MTA3: variants seen among roughly 807,000 people sequenced by gnomAD.
The protein encoded by MTA3 is metastasis associated 1 family member 3.
A neutral mutation model predicts 83.5 loss-of-function variants in MTA3; 34 were observed. The observed-to-expected ratio is 0.41, with a 90% CI of 0.31 to 0.54. The LOEUF is 0.54. MTA3 is among the 20% of genes least tolerant of loss of function. The pLI, the probability that MTA3 is intolerant of heterozygous loss-of-function variation, is 0.33. For missense variants in MTA3, 761 were observed against 726.4 expected (o/e 1.05, Z -0.55); for synonymous variants, 303 against 252.7 (o/e 1.20, Z -1.89).
Position 42,754,003 on chromosome 2 carries a change from A to G in MTA3, c.*604A>G, listed in dbSNP as rs1670072253. 1 of 984,996 alleles carries G rather than the reference A, an allele frequency of 1.0e-6. No homozygotes were observed. The highest frequency in any genetic ancestry group is 5.2e-4 in the Middle Eastern group (1 of 1,914). The allele number at this position is 984,996 out of a possible 1,614,324, so 61.0% of individuals were successfully genotyped here. A position where few individuals can be genotyped will look rare whatever the true frequency, so the allele number is the denominator to read the frequency against. The stretch of plus-strand genomic sequence containing the variant: ...TTTACCCTCTGCATTCCTATATGTG[A>G]CCCTCCCTCCTACTCCTCCAAGGAA... On this transcript the variant is annotated 3_prime_UTR_variant, in exon 17 of 17. Coordinates refer to ENST00000405094, the MANE Select transcript of MTA3 (RefSeq NM_001330442.2).
At chr2:42,728,187 G>A (rs966891018) in intron 16 of MTA3, among the ~76,000 whole-genome samples, 4 of 152,086 alleles carry the variant, frequency 2.6e-5, no homozygotes, top group African/African-American at 9.7e-5. Flanking sequence ...AAGTGAGAAT[G>A]TGCAGTTTGT....
At chr2:42,752,333 G>T (rs900724164) in intron 16 of MTA3, 28 of 468,504 alleles carry the variant, frequency 6.0e-5, no homozygotes, top group African/African-American at 5.4e-4. Context: ...TCCTTTCCTG[G>T]CAGCAGGGTG....
At chr2:42,639,590 G>C (rs990166554) in intron 4 of MTA3, among the ~76,000 whole-genome samples, 1 of 152,118 alleles carries the variant, frequency 6.6e-6, no homozygotes, top group African/African-American at 2.4e-5. Flanking sequence ...TGGATCTGTC[G>C]ATGTTTATTT....
At chr2:42,662,244 C>T (rs1573522712) in intron 8 of MTA3, among the ~76,000 whole-genome samples, 1 of 151,982 alleles carries the variant, frequency 6.6e-6, no homozygotes, top group Non-Finnish European at 1.5e-5. Context: ...TGCTGTGTTA[C>T]TCATAATGCT....
intron 2 of MTA3, among the ~76,000 whole-genome samples, chr2:42,509,108 T>A (rs1298883864): frequency 6.6e-6 from 1 of 151,964 alleles, no homozygotes; most frequent in African/African-American, 2.4e-5. Flanking sequence ...AGTGGCGTGA[T>A]CTTGGCTCAC....
At chr2:42,548,777 T>C (rs1217840292) in intron 2 of MTA3, among the ~76,000 whole-genome samples, 1 of 124,318 alleles carries the variant, frequency 8.0e-6, no homozygotes. Flanking sequence ...CACTGCAGCC[T>C]GGGTGACAGA....
At chr2:42,605,659 G>A (rs1301813967) in intron 3 of MTA3, among the ~76,000 whole-genome samples, 1 of 111,744 alleles carries the variant, frequency 8.9e-6, no homozygotes. Context: ...CTGGCCGGGC[G>A]GGGGGCTGAC....
intron 2 of MTA3, among the ~76,000 whole-genome samples, chr2:42,534,521 C>T (rs914846968): frequency 2.0e-5 from 3 of 151,826 alleles, no homozygotes; most frequent in Non-Finnish European, 2.9e-5. Flanking sequence ...CGCTTGAACC[C>T]GGGAGGCAGA....
chr2:42,579,221 TA>T (rs1342439342), intron 3 of MTA3, 21 bp downstream of exon 3: 3 of 1,527,836 alleles, frequency 2.0e-6, no homozygotes, highest in South Asian at 2.5e-5. Context: ...TTTCTCTGAT[TA>T]AAAAAACGTT....
chr2:42,638,199 G>C (rs1046127965), intron 4 of MTA3, among the ~76,000 whole-genome samples: 1 of 151,968 alleles, frequency 6.6e-6, no homozygotes, highest in Admixed American at 6.6e-5. Flanking sequence ...TGCTTTGTCA[G>C]CTGTTAATGA....
chr2:42,659,707 AAAAC>A (rs2104371126), intron 7 of MTA3, 52 bp from the exon 8 acceptor site: 2 of 1,339,982 alleles, frequency 1.5e-6, no homozygotes, highest in Admixed American at 3.5e-5. Flanking sequence ...AAACGTTAAA[AAAAC>A]AAACCAAAAC....
At position 42,635,533 on chromosome 2, in the gene MTA3, C is replaced by G. The variant is rs1334165173; in HGVS notation, c.318-4640C>G. ...ATCCCAGCTAGTTGAGAGGCTGAGT[C>G]AGCAGAATCACTTGAACCCAGGAGA... On this transcript the variant is annotated intron_variant, in intron 4 of 16. Transcript: ENST00000405094. 2.6e-5 allele frequency among the ~76,000 whole-genome samples: 4 copies of G among 151,904 alleles called. No individual in the cohort carries two copies. The East Asian group carries it at 7.7e-4, about 29-fold the overall frequency.
Position 42,654,908 on chromosome 2 carries a change from A to G in MTA3, c.500-1292A>G, listed in dbSNP as rs572733010. On this transcript the variant is annotated intron_variant, in intron 6 of 16. Transcript: ENST00000405094. ...TGGGATTATAGGTGTGAGCCACCAC[A>G]CCCAGCCTCCTTCTTTCTACTAATG... Among the ~76,000 whole-genome samples the G allele has an allele frequency of 2.6e-5, 4 of 152,184 alleles. No individual in the cohort carries two copies. The East Asian group carries it at 7.7e-4, about 29-fold the overall frequency.
At chr2:42,746,705 CCTGT>C (rs1230499433) in intron 16 of MTA3, among the ~76,000 whole-genome samples, 5 of 152,230 alleles carry the variant, frequency 3.3e-5, no homozygotes, top group African/African-American at 1.2e-4. Flanking sequence ...AACATGTTTA[CCTGT>C]CTATTATGAA....
chr2:42,528,640 C>T (rs966493320), intron 2 of MTA3, among the ~76,000 whole-genome samples: 4 of 152,210 alleles, frequency 2.6e-5, no homozygotes, highest in Non-Finnish European at 4.4e-5. Context: ...GGCTTTACTA[C>T]TGAAGAGATG....
intron 4 of MTA3, among the ~76,000 whole-genome samples, chr2:42,639,211 C>T (rs994597079): frequency 6.6e-6 from 1 of 151,912 alleles, no homozygotes; most frequent in Non-Finnish European, 1.5e-5. Flanking sequence ...CAGGCATGTG[C>T]TACCATACCC....
chr2:42,718,134 G>A (rs1190873988), intron 14 of MTA3, among the ~76,000 whole-genome samples: 4 of 144,380 alleles, frequency 2.8e-5, no homozygotes, highest in South Asian at 4.4e-4. Flanking sequence ...AGGGGTTAAC[G>A]AGTTCTTTTG....
At chr2:42,637,170 CT>C (rs905524732) in intron 4 of MTA3, among the ~76,000 whole-genome samples, 78 of 152,276 alleles carry the variant, frequency 5.1e-4, no homozygotes, top group African/African-American at 1.8e-3. Flanking sequence ...CTTTGAAAAC[CT>C]TTTCAGTGAC....
chr2:42,692,047 T>A (rs1165840760), intron 9 of MTA3, among the ~76,000 whole-genome samples: 2 of 152,352 alleles, frequency 1.3e-5, no homozygotes, highest in East Asian at 3.9e-4. Context: ...TCCCTTTGAA[T>A]AATCTTCCTG....
Sources: allele counts gnomAD v4.1 joint callset (sites outside exome capture counted in the v4.1 genomes callset), GRCh38; gene constraint gnomAD v4.1.1; transcripts MANE v1.5; gene names NCBI Gene and HGNC (gene_info 2026-07-23, HGNC 2026-07-21).